WWP1: variants seen among roughly 807,000 people sequenced by gnomAD.
WWP1 encodes NEDD4-like E3 ubiquitin-protein ligase WWP1.
In WWP1, 49 loss-of-function variants were observed where a neutral mutation model predicts 130.6. The observed-to-expected ratio is 0.38, with a 90% CI of 0.30 to 0.48. The LOEUF is 0.48. Ranked by LOEUF, WWP1 falls within the 20% of genes least tolerant of loss-of-function variation. The probability of loss-of-function intolerance (pLI) is 0.99; values close to 1 mark genes in which losing one functional copy is unlikely to be tolerated. For missense variants in WWP1, 809 were observed against 1,100.6 expected, an observed-to-expected ratio of 0.74 and a Z score of 3.75; for synonymous variants, 332 against 367.8, an observed-to-expected ratio of 0.90 and a Z score of 1.11.
rs377158819 is a variant in WWP1, at chr8:86,370,537, C to T, written c.-22+1506C>T. ...TCTTTACTGGGCTTCTGTAATTGTT[C>T]GTTGGACAAACTCTTGAGGCTCAGG... On this transcript the variant is annotated intron_variant, in intron 2 of 24. Coordinates refer to ENST00000517970, the MANE Select transcript of WWP1 (RefSeq NM_007013.4). Among the ~76,000 whole-genome samples the T allele has an allele frequency of 4.3e-4, 65 of 152,214 alleles. No individual in the cohort carries two copies. In the South Asian group the frequency reaches 0.012, roughly 28 times the overall value.
intron 1 of WWP1, among the ~76,000 whole-genome samples, chr8:86,364,015 A>C (rs533568999): frequency 3.9e-4 from 59 of 152,202 alleles, no homozygotes; most frequent in Non-Finnish European, 7.3e-4. Context: ...TGATAAGAAG[A>C]GCACATTAAA....
At chr8:86,400,976 T>TA (rs769233680) in intron 7 of WWP1, among the ~76,000 whole-genome samples, 10 of 152,116 alleles carry the variant, frequency 6.6e-5, no homozygotes, top group Non-Finnish European at 1.0e-4. Flanking sequence ...CCTGGTCACT[T>TA]ACATGATAAT....
intron 9 of WWP1, among the ~76,000 whole-genome samples, chr8:86,424,489 C>T (rs1189950828): frequency 1.7e-4 from 26 of 151,224 alleles, no homozygotes; most frequent in Admixed American, 2.6e-4. Context: ...GCCGAGATCA[C>T]GCCACTGCAC....
At chr8:86,401,749 A>AT (rs1366573572) in intron 7 of WWP1, among the ~76,000 whole-genome samples, 1 of 152,084 alleles carries the variant, frequency 6.6e-6, no homozygotes, top group Admixed American at 6.6e-5. Context: ...ATATCTCAGT[A>AT]TTTTTTTATC....
chr8:86,372,634 A>G (rs895694001), intron 2 of WWP1, among the ~76,000 whole-genome samples: 3 of 151,590 alleles, frequency 2.0e-5, no homozygotes, highest in African/African-American at 7.3e-5. Flanking sequence ...GTCCAGTTTC[A>G]TTTTTTTTCC....
At chr8:86,442,840 T>TAA in intron 18 of WWP1, 62 bp downstream of exon 18, 3 of 1,400,334 alleles carry the variant, frequency 2.1e-6, no homozygotes, top group East Asian at 2.5e-5. Context: ...GAGAAGGCTT[T>TAA]TAAAAAAAAA....
At chr8:86,358,772 G>A (rs1823398018) in intron 1 of WWP1, among the ~76,000 whole-genome samples, 1 of 152,026 alleles carries the variant, frequency 6.6e-6, no homozygotes, top group South Asian at 2.1e-4. Flanking sequence ...GCCTCCCAAG[G>A]TGCTAGGATT....
intron 21 of WWP1, among the ~76,000 whole-genome samples, chr8:86,454,979 A>C (rs1411659782): frequency 6.6e-6 from 1 of 151,970 alleles, no homozygotes; most frequent in East Asian, 1.9e-4. Flanking sequence ...TTTTACACCT[A>C]ATCTGTTGTT....
Position 86,458,040 on chromosome 8 carries a change from C to T in WWP1, c.2499+15C>T. On this transcript the variant is annotated intron_variant, in intron 22 of 24. Coordinates refer to ENST00000517970, the MANE Select transcript of WWP1 (RefSeq NM_007013.4). ...GGTTTTGGCAGGTATTTGCTTTTAT[C>T]TTTTTTGAAACAAAGTACTCAACAT... The T allele has an allele frequency of 6.2e-7, 1 of 1,600,964 alleles. No homozygotes were observed. The highest frequency in any genetic ancestry group is 2.2e-5 in the East Asian group (1 of 44,686).
intron 5 of WWP1, among the ~76,000 whole-genome samples, chr8:86,396,753 C>G (rs890476212): frequency 6.6e-6 from 1 of 152,042 alleles, no homozygotes; most frequent in Non-Finnish European, 1.5e-5. Flanking sequence ...GCCACTGCAC[C>G]TGGCTAATTT....
At chr8:86,372,017 AT>A (rs34458424) in intron 2 of WWP1, among the ~76,000 whole-genome samples, 18,317 of 69,924 alleles carry the variant, frequency 0.26, 1,280 homozygotes, top group East Asian at 0.36. Context: ...TAATTTTTGT[AT>A]TTTTTTTTTT....
intron 10 of WWP1, among the ~76,000 whole-genome samples, chr8:86,426,521 G>A (rs1196865003): frequency 1.3e-5 from 2 of 152,146 alleles, no homozygotes; most frequent in Non-Finnish European, 2.9e-5. Flanking sequence ...GAGAAATAGG[G>A]AAGGGTATTC....
intron 10 of WWP1, among the ~76,000 whole-genome samples, chr8:86,426,117 C>T (rs550244738): frequency 6.6e-6 from 1 of 152,154 alleles, no homozygotes; most frequent in South Asian, 2.1e-4. Context: ...GGCCTTGACC[C>T]TACAGTGTTA....
At chr8:86,392,316 T>C (rs1005345999) in intron 5 of WWP1, among the ~76,000 whole-genome samples, 1 of 152,224 alleles carries the variant, frequency 6.6e-6, no homozygotes, top group Non-Finnish European at 1.5e-5. Flanking sequence ...ATAGTATAGC[T>C]AACATACACA....
chr8:86,401,886 T>C, intron 7 of WWP1, 133 bp from the exon 8 acceptor site: 4 of 878,034 alleles, frequency 4.6e-6, no homozygotes, highest in Non-Finnish European at 3.2e-6. Context: ...TGTTTGGAAA[T>C]AGAATCTAAA....
In WWP1 at chr8:86,435,650, T is replaced by C. The variant is rs1173151683; in HGVS notation, c.1695T>C (p.Ser565=). 4 of 1,613,100 alleles carry C rather than the reference T, an allele frequency of 2.5e-6. No homozygotes were observed. In the African/African-American group the frequency reaches 5.3e-5, roughly 22 times the overall value. ...RYLCQSNALP[S]HVKINVSRQT... ...GTTTTTAGTCTAATGCACTACCTAG[T>C]CATGTAAAGATCAATGTGTCCCGGC... Residue 565 remains serine, a synonymous_variant, in exon 16 of 25, where the codon AGT becomes AGC. Coordinates refer to ENST00000517970, the MANE Select transcript of WWP1 (RefSeq NM_007013.4).
At position 86,466,952 on chromosome 8, in the gene WWP1, G is replaced by A; in HGVS notation, c.*59G>A. ...TTAAATACCCCAGCCAAGAAAAATT[G>A]CACAGATAGTGTATATAAGCTGTTC... On this transcript the variant is annotated 3_prime_UTR_variant, in exon 25 of 25. Coordinates refer to ENST00000517970, the MANE Select transcript of WWP1 (RefSeq NM_007013.4). The A allele has an allele frequency of 7.7e-7, 1 of 1,290,418 alleles. No individual in the cohort carries two copies. Among genetic ancestry groups the A allele is most frequent in the Non-Finnish European group, 1.1e-6 (1 of 899,642 alleles). 79.9% of individuals were successfully genotyped at this position (1,290,418 alleles called of 1,614,324 possible). A position where few individuals can be genotyped will look rare whatever the true frequency, so the allele number is the denominator to read the frequency against.
intron 9 of WWP1, among the ~76,000 whole-genome samples, chr8:86,424,913 T>G (rs1809529411): frequency 6.6e-6 from 1 of 151,126 alleles, no homozygotes; most frequent in Admixed American, 6.6e-5. Flanking sequence ...ATTTCTGTTT[T>G]CTGATAATTT....
At chr8:86,439,170 C>G (rs1031696632) in intron 17 of WWP1, among the ~76,000 whole-genome samples, 1 of 151,740 alleles carries the variant, frequency 6.6e-6, no homozygotes, top group Middle Eastern at 3.2e-3. Flanking sequence ...GGTGAAACCC[C>G]GTCTCTACTA....
Sources: gnomAD v4.1 joint callset for allele counts (sites outside exome capture counted in the v4.1 genomes callset) on GRCh38, gnomAD v4.1.1 for gene constraint, MANE v1.5 for transcripts, NCBI Gene and HGNC (gene_info 2026-07-23, HGNC 2026-07-21) for gene names.